DOCK5: variants seen among roughly 807,000 people sequenced by gnomAD.
DOCK5 encodes dedicator of cytokinesis 5.
A neutral mutation model predicts 251.8 loss-of-function variants in DOCK5; 142 were observed. The ratio of observed to expected loss-of-function variants is 0.56; its 90% CI spans 0.49 to 0.65. The LOEUF is 0.65. Among genes scored for constraint, DOCK5 ranks in the 30% least tolerant of loss-of-function variants. The pLI is 0.00. For missense variants in DOCK5, 2,111 were observed against 2,312.3 expected, an observed-to-expected ratio of 0.91 and a Z score of 1.79; for synonymous variants, 842 against 835.5, an observed-to-expected ratio of 1.01 and a Z score of -0.13.
intron 34 of DOCK5, among the ~76,000 whole-genome samples, chr8:25,370,850 C>T (rs1405027551): frequency 6.6e-6 from 1 of 152,142 alleles, no homozygotes; most frequent in African/African-American, 2.4e-5. Flanking sequence ...TGCTATGTTG[C>T]CCAGGCTGGT....
At position 25,195,251 on chromosome 8, in the gene DOCK5, C is replaced by CTT. The variant is rs59704416; in HGVS notation, c.43+10323_43+10324dup. On this transcript the variant is annotated intron_variant, in intron 1 of 51. Coordinates refer to ENST00000276440, the MANE Select transcript of DOCK5 (RefSeq NM_024940.8). ...GGTCTTCTAACTGGACTCCTTATCA[C>CTT]TTTTTTTTTTTTTTTTTTTTTTTTA... Among the ~76,000 whole-genome samples the CTT allele has an allele frequency of 1.3e-3, 143 of 106,202 alleles. 2 individuals are homozygous for CTT. Among genetic ancestry groups the CTT allele is most frequent in the African/African-American group, 5.7e-3 (131 of 23,112 alleles). 69.7% of individuals were successfully genotyped at this position (106,202 alleles called of 152,430 possible).
chr8:25,197,580 T>G (rs1313257518), intron 1 of DOCK5, among the ~76,000 whole-genome samples: 9 of 23,094 alleles, frequency 3.9e-4, no homozygotes, highest in African/African-American at 6.2e-4. Flanking sequence ...TTTGTCTTTT[T>G]TTTTTTTTTT....
intron 2 of DOCK5, among the ~76,000 whole-genome samples, chr8:25,249,633 C>T (rs1264090526): frequency 1.3e-5 from 2 of 152,198 alleles, no homozygotes; most frequent in African/African-American, 4.8e-5. Context: ...GTTGGTCAGG[C>T]TGGAGTGCAG....
At position 25,369,608 on chromosome 8, in the gene DOCK5, G is replaced by A; in HGVS notation, c.3491G>A (p.Gly1164Glu). ...KLDQEVEGGR[G>E]DEQYKVLLEK... is the part of the protein sequence containing the mutation. Reference sequence around the variant, plus strand: ...GACCAGGAGGTAGAAGGGGGCAGAGGAGACGAACAATACAAGGTTCTTCTG... The same window carrying A: ...GACCAGGAGGTAGAAGGGGGCAGAGAAGACGAACAATACAAGGTTCTTCTG... The change falls in exon 34 of 52, where the codon GGA becomes GAA. Residue 1164 changes from glycine (G) to glutamate (E), a missense_variant. This residue lies in a region of DOCK5 where 1,717 missense variants were observed against 1,892.4 expected (regional missense o/e 0.91). Coordinates refer to ENST00000276440, the MANE Select transcript of DOCK5 (RefSeq NM_024940.8). 6.2e-7 allele frequency: 1 copy of A among 1,611,722 alleles called. No homozygotes were observed. The highest frequency in any genetic ancestry group is 8.5e-7 in the Non-Finnish European group (1 of 1,178,952).
chr8:25,373,023 C>A (rs575931557), intron 35 of DOCK5, among the ~76,000 whole-genome samples: 80 of 142,176 alleles, frequency 5.6e-4, no homozygotes, highest in Non-Finnish European at 9.8e-4. Flanking sequence ...TTTTTTGAGA[C>A]GGAGTCTCGT....
chr8:25,187,211 CTATATATACA>C (rs1394577210), intron 1 of DOCK5, among the ~76,000 whole-genome samples: 1 of 146,740 alleles, frequency 6.8e-6, no homozygotes, highest in African/African-American at 2.6e-5. Flanking sequence ...AAAAAAAAAA[CTATATATACA>C]TATATATACG....
Position 25,413,096 on chromosome 8 carries a change from T to G in DOCK5, c.*1798T>G, listed in dbSNP as rs1192914365. 2 of 152,184 alleles carry G rather than the reference T, an allele frequency of 1.3e-5. No individual in the cohort carries two copies. The highest frequency in any genetic ancestry group is 2.9e-5 in the Non-Finnish European group (2 of 68,028). The allele number at this position is 152,184 out of a possible 1,614,324, so 9.4% of individuals were successfully genotyped here. ...ACTTTGCAAACTCACAAAAATTATT[T>G]GAAATTATCTGAGTTTTCATTTTCT... On this transcript the variant is annotated 3_prime_UTR_variant, in exon 52 of 52. Coordinates refer to ENST00000276440, the MANE Select transcript of DOCK5 (RefSeq NM_024940.8).
intron 1 of DOCK5, among the ~76,000 whole-genome samples, chr8:25,214,411 G>C (rs897124983): frequency 1.3e-5 from 2 of 152,152 alleles, no homozygotes; most frequent in African/African-American, 2.4e-5. Flanking sequence ...GGGCACATGA[G>C]TGGGGAAGCC....
rs61732769 is a variant in DOCK5 at position 25,317,094 on chromosome 8, C to T, written c.1406C>T (p.Thr469Met). The change falls in exon 14 of 52, where the codon ACG becomes ATG. Residue 469 changes from threonine (T) to methionine (M), a missense_variant. Physicochemically the swap from Thr to Met is moderately conservative, Grantham distance 81 (BLOSUM62 -1). Coordinates refer to ENST00000276440, the MANE Select transcript of DOCK5 (RefSeq NM_024940.8). ...AAGACGCCAAAGAATGTGGAGGTGA[C>T]GATGTCTGTGCACGATGAGGAGGGC... ...KKKTPKNVEVTMSVHDEEGKL... is the reference protein window; with the variant it reads ...KKKTPKNVEVMMSVHDEEGKL... 12,266 of 1,613,808 alleles carry T rather than the reference C, an allele frequency of 7.6e-3. 53 individuals are homozygous for T. The highest frequency in any genetic ancestry group is 8.7e-3 in the Non-Finnish European group (10,298 of 1,179,800).
intron 16 of DOCK5, among the ~76,000 whole-genome samples, 189 bp downstream of exon 16, chr8:25,321,241 C>T (rs558729111): frequency 1.3e-5 from 2 of 152,176 alleles, no homozygotes; most frequent in African/African-American, 4.8e-5. Context: ...TGTGTTGTCA[C>T]TCTATATTAG....
chr8:25,318,012 C>G (rs1563200138), intron 14 of DOCK5, among the ~76,000 whole-genome samples: 1 of 152,192 alleles, frequency 6.6e-6, no homozygotes. Flanking sequence ...GGGAGGGTAT[C>G]TAAGTATCCT....
intron 2 of DOCK5, 55 bp downstream of exon 2, chr8:25,243,812 A>C: frequency 6.5e-7 from 1 of 1,542,692 alleles, no homozygotes; most frequent in Non-Finnish European, 8.9e-7. Context: ...AGTGTAAGTT[A>C]CTTATTAAAA....
intron 10 of DOCK5, among the ~76,000 whole-genome samples, chr8:25,303,879 T>C (rs540978472): frequency 3.3e-5 from 5 of 152,242 alleles, no homozygotes; most frequent in Admixed American, 1.3e-4. Flanking sequence ...GGCAGGAGAA[T>C]TGCTTGAACA....
At chr8:25,354,796 G>A (rs1056765888) in intron 27 of DOCK5, among the ~76,000 whole-genome samples, 10 of 151,958 alleles carry the variant, frequency 6.6e-5, no homozygotes, top group African/African-American at 2.4e-4. Flanking sequence ...TCAATAAAAG[G>A]AAAAAAGCCT....
chr8:25,395,183 A>G (rs1415609313), intron 44 of DOCK5, among the ~76,000 whole-genome samples: 1 of 152,150 alleles, frequency 6.6e-6, no homozygotes, highest in Non-Finnish European at 1.5e-5. Context: ...GATCCCTCGC[A>G]TGTGCAGTTC....
chr8:25,184,924 C>T lies in DOCK5; in HGVS notation c.16C>T (p.Pro6Ser). The change falls in exon 1 of 52, where the codon CCG becomes TCG. Residue 6 changes from proline (P) to serine (S), a missense_variant. Pro to Ser is a moderately conservative substitution (Grantham distance 74). Transcript: ENST00000276440. MARWI[P>S]TKRQKYGVAI... is the part of the protein sequence containing the mutation. Reference sequence around the variant, plus strand: ...GGTCGCCGCCATGGCCCGCTGGATCCCGACCAAGAGGCAGAAGTACGGGGT... The same window carrying T: ...GGTCGCCGCCATGGCCCGCTGGATCTCGACCAAGAGGCAGAAGTACGGGGT... 6.9e-7 allele frequency: 1 copy of T among 1,442,482 alleles called. No individual in the cohort carries two copies. Among genetic ancestry groups the T allele is most frequent in the Non-Finnish European group, 9.2e-7 (1 of 1,087,894 alleles). The allele number at this position is 1,442,482 out of a possible 1,614,324, so 89.4% of individuals were successfully genotyped here.
At chr8:25,375,042 A>G in intron 37 of DOCK5, 1 of 1,035,600 alleles carries the variant, frequency 9.7e-7, no homozygotes, top group Non-Finnish European at 1.2e-6. Flanking sequence ...AAATAAATGT[A>G]TGTTGTGGTT....
chr8:25,220,085 G>A (rs7815015), intron 1 of DOCK5, among the ~76,000 whole-genome samples: 48,860 of 151,134 alleles, frequency 0.32, 11,268 homozygotes, highest in African/African-American at 0.66. Flanking sequence ...ATCAATGATC[G>A]CTTTGATATT....
At chr8:25,404,461 AT>A (rs1225481715) in intron 48 of DOCK5, among the ~76,000 whole-genome samples, 20 of 152,250 alleles carry the variant, frequency 1.3e-4, no homozygotes, top group African/African-American at 4.8e-4. Context: ...TATTTGCGTT[AT>A]ACCTGTTCAG....
Sources: gnomAD v4.1 joint callset for allele counts (sites outside exome capture counted in the v4.1 genomes callset) on GRCh38, gnomAD v4.1.1 for gene constraint, gnomAD v4.1.1 regional missense constraint, MANE v1.5 for transcripts, NCBI Gene and HGNC (gene_info 2026-07-23, HGNC 2026-07-21) for gene names.